The following BNIP2 variants were observed in gnomAD, a reference collection of about 807,000 sequenced individuals.
BNIP2 encodes the protein BCL2/adenovirus E1B 19 kDa protein-interacting protein 2.
In BNIP2, 36 loss-of-function variants were observed where a neutral mutation model predicts 43.4. The ratio of observed to expected loss-of-function variants is 0.83; its 90% CI spans 0.64 to 1.10. The LOEUF is 1.10. Ranked by LOEUF, BNIP2 falls within the 50% of genes least tolerant of loss-of-function variation. The pLI is 0.00. For missense variants in BNIP2, 417 were observed against 374.1 expected (o/e 1.11, Z -0.95); for synonymous variants, 146 against 121.0 (o/e 1.21, Z -1.35).
At chr15:59,677,240 C>T in intron 5 of BNIP2, 2 of 1,596,790 alleles carry the variant, frequency 1.3e-6, no homozygotes, top group African/African-American at 2.7e-5. Flanking sequence ...GTGCCAAGCC[C>T]CGGCTGGACT....
intron 5 of BNIP2, among the ~76,000 whole-genome samples, chr15:59,675,347 A>C (rs775384391): frequency 2.0e-5 from 3 of 152,080 alleles, no homozygotes; most frequent in Admixed American, 6.6e-5. Flanking sequence ...ACGGTGGCTC[A>C]TGCCTGTAAT....
chr15:59,669,495 GT>G (rs1343895482), intron 7 of BNIP2, 133 bp from the exon 8 acceptor site: 1 of 561,604 alleles, frequency 1.8e-6, no homozygotes, highest in Admixed American at 3.8e-5. Flanking sequence ...TGATACCCCT[GT>G]AGACAAGAAA....
At chr15:59,675,248 C>CAA (rs1342622252) in intron 5 of BNIP2, among the ~76,000 whole-genome samples, 1 of 83,446 alleles carries the variant, frequency 1.2e-5, no homozygotes, top group Non-Finnish European at 2.5e-5. Flanking sequence ...GACTCCATCT[C>CAA]AAAAAAAAAA....
At chr15:59,678,171 T>G in intron 4 of BNIP2, 84 bp from the exon 5 acceptor site, 1 of 1,443,372 alleles carries the variant, frequency 6.9e-7, no homozygotes, top group South Asian at 1.5e-5. Flanking sequence ...TACCTAGATT[T>G]TACAGAGAAT....
rs201621819 is a variant in BNIP2, at chr15:59,673,432, AT to A, written c.473-694del. ...CCCGGCAAAGTGGGTGCTTTTTTAA[AT>A]TTTTTTTTAGAGGATAGCATCTTGC... is the stretch of plus-strand genomic sequence containing the variant. On this transcript the variant is annotated intron_variant, in intron 5 of 9. Transcript: ENST00000607373. 5.7e-4 allele frequency among the ~76,000 whole-genome samples: 86 copies of A among 150,668 alleles called. No individual in the cohort carries two copies. In the East Asian group the frequency reaches 0.012, roughly 22 times the overall value.
At chr15:59,665,831 A>G (rs1484464702) in intron 9 of BNIP2, among the ~76,000 whole-genome samples, 1 of 152,216 alleles carries the variant, frequency 6.6e-6, no homozygotes, top group Admixed American at 6.5e-5. Flanking sequence ...TTAGATAAAG[A>G]AAAATATTTT....
chr15:59,676,790 G>T, intron 5 of BNIP2: 1 of 1,510,526 alleles, frequency 6.6e-7, no homozygotes, highest in Non-Finnish European at 9.0e-7. Flanking sequence ...GGATATCTGC[G>T]GTGGCCGCCT....
Position 59,671,246 on chromosome 15 carries a change from G to C in BNIP2, c.644C>G (p.Thr215Arg), listed in dbSNP as rs1452697432. 3 of 1,600,880 alleles carry C rather than the reference G, an allele frequency of 1.9e-6. No individual in the cohort carries two copies. The African/African-American group carries it at 4.0e-5, about 21-fold the overall frequency. ...NYMIVYLNGA[T>R]TRRKMPSLGW... is the part of the protein sequence containing the mutation. Reference sequence around the variant, plus strand: ...CAGACTGGGCATTTTTCTTCGAGTTGTTGCACCATTTAAATAAACTATCAT... The same window carrying C: ...CAGACTGGGCATTTTTCTTCGAGTTCTTGCACCATTTAAATAAACTATCAT... The change falls in exon 7 of 10, where the codon ACA becomes AGA. Residue 215 changes from threonine (T) to arginine (R), a missense_variant. By Grantham distance (71) the Thr-to-Arg change is moderately conservative (BLOSUM62 -1). Transcript: ENST00000607373.
intron 1 of BNIP2, among the ~76,000 whole-genome samples, chr15:59,687,586 T>C (rs1566987321): frequency 6.6e-6 from 1 of 152,058 alleles, no homozygotes; most frequent in African/African-American, 2.4e-5. Flanking sequence ...CATTGCTTTA[T>C]CATTTTTTGC....
chr15:59,681,600 C>A (rs1893677386), intron 2 of BNIP2, among the ~76,000 whole-genome samples: 2 of 152,164 alleles, frequency 1.3e-5, no homozygotes, highest in South Asian at 4.2e-4. Context: ...AGGCGAGCGC[C>A]AAGCCTGGCT....
At chr15:59,668,050 C>T in intron 9 of BNIP2, 3 of 1,172,088 alleles carry the variant, frequency 2.6e-6, no homozygotes, top group Non-Finnish European at 3.4e-6. Flanking sequence ...AAGAGTTAGT[C>T]TGCAATGCAA....
intron 4 of BNIP2, 178 bp downstream of exon 4, chr15:59,679,414 G>T: frequency 1.9e-6 from 1 of 536,576 alleles, no homozygotes; most frequent in Non-Finnish European, 3.0e-6. Context: ...CAAATAAGAG[G>T]GGAAAAAAGC....
In BNIP2 at chr15:59,666,567, T is replaced by A. The variant is rs1489204465; in HGVS notation, c.893+2325A>T. On this transcript the variant is annotated intron_variant, in intron 9 of 9. Coordinates refer to ENST00000607373, the MANE Select transcript of BNIP2 (RefSeq NM_004330.4). ...CTGTAATCCCAGCTACTTGGGGGGC[T>A]GAGGCAGCAGAATCGCTTGAACCCG... is the stretch of plus-strand genomic sequence containing the variant. 2.0e-5 allele frequency among the ~76,000 whole-genome samples: 3 copies of A among 152,088 alleles called. No homozygotes were observed. In the East Asian group the frequency reaches 5.8e-4, roughly 29 times the overall value.
chr15:59,679,520 A>G, intron 4 of BNIP2, 72 bp downstream of exon 4: 3 of 1,431,236 alleles, frequency 2.1e-6, no homozygotes, highest in Non-Finnish European at 2.8e-6. Context: ...AACTTTAGAA[A>G]GAATGATGTA....
rs769018512 is a variant in BNIP2, at chr15:59,676,783, T to C, written c.472+1128A>G. 51 of 1,504,340 alleles carry C rather than the reference T, an allele frequency of 3.4e-5. No individual in the cohort carries two copies. The Middle Eastern group carries it at 6.7e-4, about 20-fold the overall frequency. The allele number at this position is 1,504,340 out of a possible 1,614,324, so 93.2% of individuals were successfully genotyped here. On this transcript the variant is annotated intron_variant, in intron 5 of 9. Transcript: ENST00000607373. ...TGGAGGATGAGCGGAGCTTTTCGGA[T>C]ATCTGCGGTGGCCGCCTGGCCCTGC...
Position 59,671,184 on chromosome 15 carries a change from T to G in BNIP2, c.706A>C (p.Arg236=). 6.3e-7 allele frequency: 1 copy of G among 1,592,576 alleles called. No homozygotes were observed. Among genetic ancestry groups the G allele is most frequent in the Non-Finnish European group, 8.6e-7 (1 of 1,168,114 alleles). Residue 236 remains arginine (R), a splice_region_variant and synonymous_variant, in exon 7 of 10, where the codon AGG becomes CGG. Transcript: ENST00000607373. ...LRKCYQQIDR[R]LRKNLKSLII... is the part of the protein sequence containing the mutation. The stretch of plus-strand genomic sequence containing the variant: ...GCTTTCAACTTGTATTTGTATTACC[T>G]TCTATCAATTTGCTGATAACATTTC...
intron 4 of BNIP2, chr15:59,678,328 T>A: frequency 8.0e-7 from 1 of 1,242,500 alleles, no homozygotes; most frequent in East Asian, 4.1e-5. Context: ...CTAATCATAG[T>A]GAAACGTGTA....
rs1871499 is a variant in BNIP2 at position 59,662,524 on chromosome 15, T to A, written c.*1545A>T. On this transcript the variant is annotated 3_prime_UTR_variant, in exon 10 of 10. Coordinates refer to ENST00000607373, the MANE Select transcript of BNIP2 (RefSeq NM_004330.4). ...TCTCTCTCCTATAACTGGTTTTAAG[T>A]TAGCATGCCAAGTTTAGGACTGAGG... 85,662 of 152,066 alleles carry A rather than the reference T, an allele frequency of 0.56. 24,787 individuals carry two copies. Among genetic ancestry groups the A allele is most frequent in the Middle Eastern group, 0.65 (191 of 294 alleles). 9.4% of individuals were successfully genotyped at this position (152,066 alleles called of 1,614,324 possible). A position where few individuals can be genotyped will look rare whatever the true frequency, so the allele number is the denominator to read the frequency against.
chr15:59,663,185 A>C lies in BNIP2; in HGVS notation c.*884T>G, dbSNP rs1388023269. 1 of 152,650 alleles carries C rather than the reference A, an allele frequency of 6.6e-6. No individual in the cohort carries two copies. The highest frequency in any genetic ancestry group is 1.9e-4 in the East Asian group (1 of 5,206). The allele number at this position is 152,650 out of a possible 1,614,324, so 9.5% of individuals were successfully genotyped here. A position where few individuals can be genotyped will look rare whatever the true frequency, so the allele number is the denominator to read the frequency against. ...TGAATAACTCATCACATTCTCTGCAATACTACTCAGCACTCATATACACTC... is the reference window on the plus strand; with the variant it reads ...TGAATAACTCATCACATTCTCTGCACTACTACTCAGCACTCATATACACTC... On this transcript the variant is annotated 3_prime_UTR_variant, in exon 10 of 10. Coordinates refer to ENST00000607373, the MANE Select transcript of BNIP2 (RefSeq NM_004330.4).
Sources: gnomAD v4.1 joint callset for allele counts (sites outside exome capture counted in the v4.1 genomes callset) on GRCh38, gnomAD v4.1.1 for gene constraint, MANE v1.5 for transcripts, NCBI Gene and HGNC (gene_info 2026-07-23, HGNC 2026-07-21) for gene names.